The following AKNAD1 variants were observed in gnomAD, a reference collection of about 807,000 sequenced individuals.
AKNAD1 encodes AKNA domain containing 1.
A neutral mutation model predicts 90.8 loss-of-function variants in AKNAD1; 67 were observed. The ratio of observed to expected loss-of-function variants is 0.74; its 90% CI spans 0.61 to 0.90. AKNAD1 has a LOEUF of 0.90. Among genes scored for constraint, AKNAD1 ranks in the 40% least tolerant of loss-of-function variants. The pLI, the probability that AKNAD1 is intolerant of heterozygous loss-of-function variation, is 0.00. For synonymous variants in AKNAD1, 327 were observed against 341.4 expected (o/e 0.96, Z 0.46); for missense variants, 957 against 975.4 (o/e 0.98, Z 0.25).
At chr1:108,835,874 T>G (rs1445650116) in intron 7 of AKNAD1, among the ~76,000 whole-genome samples, 1 of 152,220 alleles carries the variant, frequency 6.6e-6, no homozygotes, top group East Asian at 1.9e-4. Flanking sequence ...TCCGCCTGCC[T>G]CAGCCTCCCA....
chr1:108,839,942 A>T (rs1450179603), intron 6 of AKNAD1, among the ~76,000 whole-genome samples: 1 of 152,050 alleles, frequency 6.6e-6, no homozygotes, highest in Non-Finnish European at 1.5e-5. Context: ...GGAGGATCCC[A>T]GAGTCCAGGA....
Position 108,852,680 on chromosome 1 carries a change from T to G in AKNAD1, c.-16A>C, listed in dbSNP as rs766037981. ...CCTCATCCATGTGTGTGCAGCCCGA[T>G]CGCTCTCGTCCTCTGCCTCCTGAGC... On this transcript the variant is annotated 5_prime_UTR_variant, in exon 2 of 16. Coordinates refer to ENST00000370001, the MANE Select transcript of AKNAD1 (RefSeq NM_152763.5). 1.3e-6 allele frequency: 2 copies of G among 1,546,120 alleles called. No individual in the cohort carries two copies. Among genetic ancestry groups the G allele is most frequent in the East Asian group, 2.2e-5 (1 of 44,506 alleles).
chr1:108,827,217 C>CT lies in AKNAD1; in HGVS notation c.1923dup (p.Asp642ArgfsTer7), dbSNP rs764087099. The CT allele has an allele frequency of 6.8e-6, 11 of 1,610,690 alleles. 1 individual carries two copies. The highest frequency in any genetic ancestry group is 3.4e-4 in the Middle Eastern group (2 of 5,918). ...CCCATCAACTTACTGGGAGTTGAAT[C>CT]TGAGTGTGGTGCCTTTTCATGAAGG... On this transcript the variant is annotated frameshift_variant, in exon 11 of 16. Transcript: ENST00000370001. LOFTEE classifies it high-confidence loss of function.
At chr1:108,834,642 A>G in intron 8 of AKNAD1, 114 bp from the exon 9 acceptor site, 1 of 1,112,896 alleles carries the variant, frequency 9.0e-7, no homozygotes, top group Non-Finnish European at 1.3e-6. Context: ...GGAGCGAGCA[A>G]CCTAAGGCAG....
Position 108,837,620 on chromosome 1 carries a change from G to A in AKNAD1, c.1466C>T (p.Pro489Leu). 6.2e-7 allele frequency: 1 copy of A among 1,614,174 alleles called. No individual in the cohort carries two copies. Residue 489 changes from proline to leucine, a missense_variant, in exon 7 of 16, where the codon CCT becomes CTT. Coordinates refer to ENST00000370001, the MANE Select transcript of AKNAD1 (RefSeq NM_152763.5). ...AACTGGAGAACTCACAGGAAGGGAA[G>A]GAGCTGAAGTATATTTGCTTTCATC... Reference protein sequence around the residue: ...KMDESKYTSAPSLPVSSPVTL... With the variant: ...KMDESKYTSALSLPVSSPVTL...
intron 9 of AKNAD1, among the ~76,000 whole-genome samples, chr1:108,831,159 G>T (rs1470342916): frequency 6.6e-6 from 1 of 152,146 alleles, no homozygotes; most frequent in South Asian, 2.1e-4. Flanking sequence ...CTGTCTGGGG[G>T]CCTAAATGAT....
chr1:108,834,884 C>T, intron 8 of AKNAD1, 45 bp downstream of exon 8: 3 of 1,499,146 alleles, frequency 2.0e-6, no homozygotes, highest in Non-Finnish European at 2.7e-6. Context: ...GAAGGGGCCT[C>T]TTTCTGTGTC....
intron 5 of AKNAD1, among the ~76,000 whole-genome samples, chr1:108,847,454 A>C (rs1430104124): frequency 1.3e-5 from 2 of 151,700 alleles, no homozygotes; most frequent in African/African-American, 4.8e-5. Flanking sequence ...TCTCAAAAAA[A>C]AAAAAACAAA....
intron 1 of AKNAD1, among the ~76,000 whole-genome samples, chr1:108,853,208 T>C (rs994820938): frequency 2.0e-5 from 3 of 149,546 alleles, no homozygotes; most frequent in African/African-American, 7.5e-5. Flanking sequence ...CTCGGCTCAC[T>C]GCAAGCTCCA....
chr1:108,816,159 C>G lies in AKNAD1; in HGVS notation c.*12G>C. 1 of 1,581,526 alleles carries G rather than the reference C, an allele frequency of 6.3e-7. No individual in the cohort carries two copies. Among genetic ancestry groups the G allele is most frequent in the East Asian group, 2.3e-5 (1 of 44,104 alleles). On this transcript the variant is annotated 3_prime_UTR_variant, in exon 16 of 16. Coordinates refer to ENST00000370001, the MANE Select transcript of AKNAD1 (RefSeq NM_152763.5). ...TTTTTTTCTTTTGAATCCTTGGTAG[C>G]CTAGCGTTGAACTAGTATTTCAGTC...
At chr1:108,827,813 C>CAAAAAAAAAAAAAAA (rs11369356) in intron 10 of AKNAD1, among the ~76,000 whole-genome samples, 18 of 115,062 alleles carry the variant, frequency 1.6e-4, no homozygotes, top group African/African-American at 5.8e-4. Flanking sequence ...GACTCCTACT[C>CAAAAAAAAAAAAAAA]AAAAAAAAAA....
At chr1:108,830,828 G>GA in intron 9 of AKNAD1, 178 bp from the exon 10 acceptor site, 1 of 623,714 alleles carries the variant, frequency 1.6e-6, no homozygotes, top group Non-Finnish European at 2.9e-6. Context: ...AGGAGGGAAA[G>GA]AAGAAAGAGC....
intron 6 of AKNAD1, 140 bp from the exon 7 acceptor site, chr1:108,837,846 A>G (rs1664432505): frequency 6.5e-6 from 6 of 918,582 alleles, no homozygotes; most frequent in Middle Eastern, 3.5e-4. Context: ...GGGAGCCCGC[A>G]TGACTGTTCA....
At chr1:108,824,513 T>A (rs1663931351) in intron 11 of AKNAD1, among the ~76,000 whole-genome samples, 1 of 151,714 alleles carries the variant, frequency 6.6e-6, no homozygotes, top group Non-Finnish European at 1.5e-5. Context: ...ATCCATTTCA[T>A]ATTAGCAAAT....
At chr1:108,843,322 T>C in intron 5 of AKNAD1, 55 bp from the exon 6 acceptor site, 4 of 1,596,956 alleles carry the variant, frequency 2.5e-6, no homozygotes, top group Admixed American at 1.7e-5. Flanking sequence ...TGTGTAATTG[T>C]TTTCCCAAAA....
chr1:108,827,735 A>G (rs1570801101), intron 10 of AKNAD1, among the ~76,000 whole-genome samples: 1 of 148,708 alleles, frequency 6.7e-6, no homozygotes, highest in African/African-American at 2.5e-5. Context: ...AATGGCGGGA[A>G]CCCGGGAGGC....
intron 6 of AKNAD1, among the ~76,000 whole-genome samples, chr1:108,837,912 T>A (rs150458261): frequency 6.6e-6 from 1 of 152,206 alleles, no homozygotes; most frequent in Non-Finnish European, 1.5e-5. Flanking sequence ...TAGCTGCGTA[T>A]CCTTGTATAA....
intron 7 of AKNAD1, among the ~76,000 whole-genome samples, chr1:108,836,401 A>G (rs535037897): frequency 1.4e-4 from 21 of 151,926 alleles, no homozygotes; most frequent in Admixed American, 5.2e-4. Flanking sequence ...AGATGAGTGC[A>G]GAGTCACAGA....
At chr1:108,844,326 G>T (rs898133821) in intron 5 of AKNAD1, among the ~76,000 whole-genome samples, 5 of 151,750 alleles carry the variant, frequency 3.3e-5, no homozygotes, top group African/African-American at 1.2e-4. Context: ...TTGCACCACT[G>T]CACTCCAGCC....
Sources: gnomAD v4.1 joint callset for allele counts (sites outside exome capture counted in the v4.1 genomes callset) on GRCh38, gnomAD v4.1.1 for gene constraint, MANE v1.5 for transcripts, NCBI Gene and HGNC (gene_info 2026-07-23, HGNC 2026-07-21) for gene names.